The following ITGAV variants were observed in gnomAD, a reference collection of about 807,000 sequenced individuals.
ITGAV encodes the protein integrin subunit alpha V, also known as integrin alpha-V.
ITGAV carries 76 observed loss-of-function variants against 143.8 expected under a neutral mutation model. That is an observed-to-expected ratio of 0.53 (90% CI 0.44 to 0.64). The LOEUF is 0.64. Among genes scored for constraint, ITGAV ranks in the 30% least tolerant of loss-of-function variants. ITGAV has a pLI of 0.00. For synonymous variants in ITGAV, 453 were observed against 446.7 expected, an observed-to-expected ratio of 1.01 and a Z score of -0.18; for missense variants, 1,193 against 1,274.7, an observed-to-expected ratio of 0.94 and a Z score of 0.98.
At chr2:186,606,013 A>T (rs566731594) in intron 2 of ITGAV, among the ~76,000 whole-genome samples, 2 of 152,140 alleles carry the variant, frequency 1.3e-5, no homozygotes, top group Admixed American at 1.3e-4. Context: ...TTTTATTCAA[A>T]TGGTGTTTAT....
chr2:186,627,746 G>A (rs1198211003), intron 4 of ITGAV, among the ~76,000 whole-genome samples: 1 of 152,076 alleles, frequency 6.6e-6, no homozygotes, highest in Non-Finnish European at 1.5e-5. Flanking sequence ...TGGCTCCTGA[G>A]CCTAAAATAT....
At position 186,677,471 on chromosome 2, in the gene ITGAV, A is replaced by G. The variant is rs1312080630; in HGVS notation, c.*179A>G. 3 of 548,312 alleles carry G rather than the reference A, an allele frequency of 5.5e-6. No homozygotes were observed. Among genetic ancestry groups the G allele is most frequent in the Non-Finnish European group, 9.8e-6 (3 of 306,080 alleles). The allele number at this position is 548,312 out of a possible 1,614,324, so 34.0% of individuals were successfully genotyped here. On this transcript the variant is annotated 3_prime_UTR_variant, in exon 30 of 30. Coordinates refer to ENST00000261023, the MANE Select transcript of ITGAV (RefSeq NM_002210.5). ...CTTCTCCTTATAAATAAGTTCAGAC[A>G]TACATTTAATAACATAGGGTGACTT...
intron 1 of ITGAV, among the ~76,000 whole-genome samples, chr2:186,596,549 A>C (rs961397193): frequency 6.6e-6 from 1 of 150,680 alleles, no homozygotes. Context: ...TCCTGGATTC[A>C]AGCAATTTCT....
rs56789925 is a variant in ITGAV, at chr2:186,598,294, TACACACACACACAC to T, written c.186-3705_186-3692del. The stretch of plus-strand genomic sequence containing the variant: ...TAATAAATTTACATATTATAATTTA[TACACACACACACAC>T]ACACACACACACACACACACAGAGT... On this transcript the variant is annotated intron_variant, in intron 1 of 29. Coordinates refer to ENST00000261023, the MANE Select transcript of ITGAV (RefSeq NM_002210.5). Among the ~76,000 whole-genome samples the T allele has an allele frequency of 2.8e-3, 421 of 147,968 alleles. 1 individual carries two copies. The highest frequency in any genetic ancestry group is 0.01 in the African/African-American group (403 of 39,780).
chr2:186,609,570 T>C (rs994498705), intron 2 of ITGAV, among the ~76,000 whole-genome samples: 1 of 152,112 alleles, frequency 6.6e-6, no homozygotes, highest in Admixed American at 6.5e-5. Context: ...TAGACATAAA[T>C]AGATTCATAC....
chr2:186,645,814 CA>C (rs1276853475), intron 12 of ITGAV, among the ~76,000 whole-genome samples: 2 of 150,504 alleles, frequency 1.3e-5, no homozygotes, highest in East Asian at 2.0e-4. Context: ...GAAAAAAAAA[CA>C]AAAAAAATTA....
intron 2 of ITGAV, among the ~76,000 whole-genome samples, chr2:186,608,729 A>G (rs766627460): frequency 2.6e-5 from 4 of 152,134 alleles, no homozygotes; most frequent in Non-Finnish European, 5.9e-5. Context: ...TTCCACTTCC[A>G]TATGGTGGGT....
Position 186,680,067 on chromosome 2 carries a change from CAG to C in ITGAV, c.*2777_*2778del, listed in dbSNP as rs1280628627. ...AGATCAGCGATTTTTGTAAGGCAAA[CAG>C]AATTTGTAAGTTGGCAGATCTTCCT... On this transcript the variant is annotated 3_prime_UTR_variant, in exon 30 of 30. Coordinates refer to ENST00000261023, the MANE Select transcript of ITGAV (RefSeq NM_002210.5). 6.6e-6 allele frequency: 1 copy of C among 151,954 alleles called. No individual in the cohort carries two copies. The highest frequency in any genetic ancestry group is 2.4e-5 in the African/African-American group (1 of 41,412). 9.4% of individuals were successfully genotyped at this position (151,954 alleles called of 1,614,324 possible).
rs201243023 is a variant in ITGAV, at chr2:186,633,407, A to T, written c.631+33A>T. 1.9e-5 allele frequency: 26 copies of T among 1,356,830 alleles called. 1 individual carries two copies. The Middle Eastern group carries it at 1.3e-3, about 68-fold the overall frequency. 84.0% of individuals were successfully genotyped at this position (1,356,830 alleles called of 1,614,324 possible). On this transcript the variant is annotated intron_variant, in intron 6 of 29. Transcript: ENST00000261023. ...AATATTTTTTAAATTACAATTGGTG[A>T]CTATGTGTCGCTGATTCACCTGGCT...
intron 7 of ITGAV, 150 bp downstream of exon 7, chr2:186,636,357 G>A (rs1687946151): frequency 3.3e-6 from 2 of 613,714 alleles, no homozygotes; most frequent in Non-Finnish European, 5.4e-6. Context: ...TTGTTAATGA[G>A]TACTTTGGTT....
In ITGAV at chr2:186,649,821, T is replaced by C; in HGVS notation, c.1352-19T>C. ...AAAACCATTATCATTATTAACATGT[T>C]TTTCCACTCTTTCTTAAGACTTAAT... is the stretch of plus-strand genomic sequence containing the variant. On this transcript the variant is annotated intron_variant, in intron 13 of 29. Coordinates refer to ENST00000261023, the MANE Select transcript of ITGAV (RefSeq NM_002210.5). 6.5e-7 allele frequency: 1 copy of C among 1,539,718 alleles called. No homozygotes were observed. The highest frequency in any genetic ancestry group is 1.2e-5 in the South Asian group (1 of 85,124).
At chr2:186,628,173 G>T (rs1253733175) in intron 4 of ITGAV, among the ~76,000 whole-genome samples, 1 of 152,088 alleles carries the variant, frequency 6.6e-6, no homozygotes, top group African/African-American at 2.4e-5. Context: ...TTTTTTATCT[G>T]TTTCATACTT....
At chr2:186,598,484 C>T (rs1327379927) in intron 1 of ITGAV, among the ~76,000 whole-genome samples, 1 of 142,714 alleles carries the variant, frequency 7.0e-6, no homozygotes, top group Non-Finnish European at 1.5e-5. Flanking sequence ...GTTGCCCAGG[C>T]TGGACTGCAG....
chr2:186,657,963 A>C lies in ITGAV; in HGVS notation c.1720-1075A>C, dbSNP rs145908871. Among the ~76,000 whole-genome samples, 674 of 151,306 alleles carry C rather than the reference A, an allele frequency of 4.5e-3. 2 individuals carry two copies. Among genetic ancestry groups the C allele is most frequent in the Non-Finnish European group, 7.3e-3 (491 of 67,708 alleles). On this transcript the variant is annotated intron_variant, in intron 17 of 29. Coordinates refer to ENST00000261023, the MANE Select transcript of ITGAV (RefSeq NM_002210.5). ...AATAGCTCTTTGAAAGAAAAAAAAA[A>C]CCAAAATATTTCAAAGTCAATCTGT...
intron 18 of ITGAV, chr2:186,660,430 A>C (rs1234725484): frequency 6.6e-6 from 1 of 151,934 alleles, no homozygotes; most frequent in Non-Finnish European, 1.5e-5. Flanking sequence ...ATTAAGTTTT[A>C]GGTATGTTTC....
chr2:186,645,187 A>G (rs925116411), intron 12 of ITGAV, among the ~76,000 whole-genome samples: 1 of 152,136 alleles, frequency 6.6e-6, no homozygotes, highest in Non-Finnish European at 1.5e-5. Flanking sequence ...GAGTTTCGGG[A>G]TAGAGAGGGT....
At chr2:186,625,028 C>T (rs1299681269) in intron 3 of ITGAV, among the ~76,000 whole-genome samples, 2 of 151,722 alleles carry the variant, frequency 1.3e-5, no homozygotes, top group Admixed American at 1.3e-4. Flanking sequence ...CTTTATTTAC[C>T]ACTATGATAA....
At chr2:186,644,031 C>T (rs1688180505) in intron 12 of ITGAV, among the ~76,000 whole-genome samples, 1 of 152,120 alleles carries the variant, frequency 6.6e-6, no homozygotes, top group Non-Finnish European at 1.5e-5. Flanking sequence ...GCAGACTCGA[C>T]TTCCCAGGCT....
chr2:186,602,727 A>G (rs1389869437), intron 2 of ITGAV, among the ~76,000 whole-genome samples: 2 of 151,998 alleles, frequency 1.3e-5, no homozygotes, highest in Non-Finnish European at 1.5e-5. Flanking sequence ...AAATACAAAA[A>G]TTTGCTGGGT....
Sources: gnomAD v4.1 joint callset for allele counts (sites outside exome capture counted in the v4.1 genomes callset) on GRCh38, gnomAD v4.1.1 for gene constraint, MANE v1.5 for transcripts, NCBI Gene and HGNC (gene_info 2026-07-23, HGNC 2026-07-21) for gene names.